LRRC9: variants seen among roughly 807,000 people sequenced by gnomAD.
LRRC9 encodes leucine rich repeat containing 9, also known as leucine-rich repeat-containing protein 9.
In LRRC9, 122 loss-of-function variants were observed where a neutral mutation model predicts 63.2. That is an observed-to-expected ratio of 1.93 (90% CI 1.67 to 2.24). The LOEUF is 2.24. Among genes scored for constraint, LRRC9 ranks in the 30% most tolerant of loss-of-function variants. The pLI is 0.00. For synonymous variants in LRRC9, 366 were observed against 213.1 expected (o/e 1.72, Z -6.25); for missense variants, 1,071 against 627.7 (o/e 1.71, Z -7.55).
At chr14:60,047,821 AC>A (rs1390105211) in intron 29 of LRRC9, among the ~76,000 whole-genome samples, 1 of 152,116 alleles carries the variant, frequency 6.6e-6, no homozygotes, top group Non-Finnish European at 1.5e-5. Flanking sequence ...AGAACTCTCT[AC>A]CCCCCAGCAA....
chr14:59,996,158 T>C (rs1449289905), intron 17 of LRRC9, among the ~76,000 whole-genome samples: 1 of 152,204 alleles, frequency 6.6e-6, no homozygotes, highest in Admixed American at 6.5e-5. Flanking sequence ...AAGGGCCATA[T>C]AGTAAATTCT....
At chr14:59,928,301 G>A in exon 3 of LRRC9, 1 of 634,036 alleles carries the variant, frequency 1.6e-6, no homozygotes, top group South Asian at 1.9e-5. Flanking sequence ...TGAGATGGTT[G>A]GACAAGAAGG....
chr14:59,949,672 C>T (rs374536774), intron 8 of LRRC9, among the ~76,000 whole-genome samples: 46 of 151,008 alleles, frequency 3.0e-4, no homozygotes, highest in Admixed American at 1.9e-3. Flanking sequence ...GCTTTGAATG[C>T]GTCCCAGAGA....
intron 30 of LRRC9, among the ~76,000 whole-genome samples, chr14:60,055,476 G>A (rs552907844): frequency 6.6e-6 from 1 of 152,246 alleles, no homozygotes; most frequent in South Asian, 2.1e-4. Context: ...TATGCCACCT[G>A]TATTAGTTTC....
intron 26 of LRRC9, among the ~76,000 whole-genome samples, chr14:60,020,166 T>A (rs1891010026): frequency 6.6e-6 from 1 of 151,912 alleles, no homozygotes; most frequent in African/African-American, 2.4e-5. Flanking sequence ...TCGCTATAAT[T>A]TTGCCTTTTT....
chr14:59,921,112 T>C (rs974305266), intron 1 of LRRC9, among the ~76,000 whole-genome samples: 2 of 152,140 alleles, frequency 1.3e-5, no homozygotes, highest in Admixed American at 6.5e-5. Context: ...TAGGGAAGTA[T>C]GGAGTATGCC....
At chr14:60,019,397 TA>T (rs1890942093) in intron 26 of LRRC9, 137 bp downstream of exon 26, 1 of 482,646 alleles carries the variant, frequency 2.1e-6, no homozygotes, top group African/African-American at 2.0e-5. Flanking sequence ...ATTTAATAGC[TA>T]CATGCCAAAA....
exon 15 of LRRC9, chr14:59,978,022 G>C: frequency 1.4e-6 from 1 of 699,654 alleles, no homozygotes; most frequent in East Asian, 2.7e-5. Flanking sequence ...TCTAGATTCT[G>C]TCATGGGACA....
rs1404611082 is a variant in LRRC9 at position 59,938,337 on chromosome 14, C to T, written c.544-53C>T. The T allele has an allele frequency of 1.5e-5, 9 of 606,584 alleles. No homozygotes were observed. In the East Asian group the frequency reaches 2.1e-4, roughly 14 times the overall value. The allele number at this position is 606,584 out of a possible 1,614,324, so 37.6% of individuals were successfully genotyped here. On this transcript the variant is annotated intron_variant, in intron 6 of 31. Transcript: ENST00000445360. This position sits in a 1 kb window ranked among gnomAD's most constrained non-coding sequence, Gnocchi z 4.2. ...CTGATCTTAGGTGTTCAAATACTGCCTTTAGAAATGACAGTCACAATTAAC... is the reference window on the plus strand; with the variant it reads ...CTGATCTTAGGTGTTCAAATACTGCTTTTAGAAATGACAGTCACAATTAAC...
At position 60,017,429 on chromosome 14, in the gene LRRC9, T is replaced by C. The variant is rs757379237; in HGVS notation, c.3317+639T>C. ...CAAATACCTATAACTCCTCCAAATA[T>C]CATCTCAAGATGTTTCTCCTCCATG... On this transcript the variant is annotated intron_variant, in intron 24 of 31. Transcript: ENST00000445360. This position sits in a 1 kb window ranked among gnomAD's most constrained non-coding sequence, Gnocchi z 4.0. 1.6e-4 allele frequency among the ~76,000 whole-genome samples: 24 copies of C among 152,100 alleles called. No individual in the cohort carries two copies. Among genetic ancestry groups the C allele is most frequent in the Non-Finnish European group, 2.8e-4 (19 of 68,004 alleles).
At chr14:59,937,161 A>G (rs1389206648) in intron 6 of LRRC9, among the ~76,000 whole-genome samples, 1 of 150,346 alleles carries the variant, frequency 6.7e-6, no homozygotes, top group Non-Finnish European at 1.5e-5. Context: ...CTTGTTCTTC[A>G]CAAGTTTATC....
chr14:59,992,054 G>C (rs534052575), intron 17 of LRRC9, among the ~76,000 whole-genome samples: 17 of 152,260 alleles, frequency 1.1e-4, no homozygotes, highest in African/African-American at 3.6e-4. Flanking sequence ...TAACTGGGAG[G>C]CACCCCCCAG....
At position 60,027,124 on chromosome 14, in the gene LRRC9, G is replaced by A. The variant is rs1211215622; in HGVS notation, c.3704-760G>A. Among the ~76,000 whole-genome samples the A allele has an allele frequency of 6.6e-6, 1 of 151,946 alleles. No homozygotes were observed. Among genetic ancestry groups the A allele is most frequent in the Non-Finnish European group, 1.5e-5 (1 of 67,944 alleles). On this transcript the variant is annotated intron_variant, in intron 27 of 31. Transcript: ENST00000445360. The surrounding 1 kb of genome is among the most constrained non-coding windows in gnomAD (Gnocchi z 4.0). ...TGAGCTTAAAATGTAAAAGGTCTAA[G>A]TTAGGCCTGATACTGCCATTTTTAT... is the stretch of plus-strand genomic sequence containing the variant.
intron 22 of LRRC9, 90 bp downstream of exon 22, chr14:60,006,707 G>C: frequency 2.0e-6 from 1 of 507,778 alleles, no homozygotes. Context: ...CACAGAATTT[G>C]GAAAATATAA....
At position 59,975,133 on chromosome 14, in the gene LRRC9, AT is replaced by A; in HGVS notation, c.1639+426del. Among the ~76,000 whole-genome samples the A allele has an allele frequency of 1.7e-4, 2 of 11,552 alleles. 1 individual carries two copies. Among genetic ancestry groups the A allele is most frequent in the African/African-American group, 3.2e-4 (2 of 6,268 alleles). 7.6% of individuals were successfully genotyped at this position (11,552 alleles called of 152,430 possible). The stretch of plus-strand genomic sequence containing the variant: ...TATATGTATATATATATATGTATAT[AT>A]ATATACATATATATATGTATATATA... On this transcript the variant is annotated intron_variant, in intron 13 of 31. Transcript: ENST00000445360.
At chr14:59,944,780 C>A in intron 8 of LRRC9, 36 bp downstream of exon 8, 2 of 609,996 alleles carry the variant, frequency 3.3e-6, no homozygotes, top group South Asian at 2.1e-5. Flanking sequence ...AGTGGCCATA[C>A]CTTAAGAAAA....
chr14:59,989,918 T>G (rs935633570), intron 17 of LRRC9, among the ~76,000 whole-genome samples: 3 of 151,598 alleles, frequency 2.0e-5, no homozygotes, highest in Non-Finnish European at 4.4e-5. Context: ...CACTTTAGTC[T>G]AGACCTTCCT....
At chr14:59,965,417 C>A (rs1414601790) in intron 10 of LRRC9, among the ~76,000 whole-genome samples, 1 of 152,118 alleles carries the variant, frequency 6.6e-6, no homozygotes, top group Non-Finnish European at 1.5e-5. Flanking sequence ...CTTGTTTAGG[C>A]TTCATTAGAG....
chr14:60,020,764 T>C (rs984335456), intron 26 of LRRC9, among the ~76,000 whole-genome samples: 2 of 151,952 alleles, frequency 1.3e-5, no homozygotes, highest in African/African-American at 4.8e-5. Flanking sequence ...AGCATGATGT[T>C]TTCAAGGTTC....
Sources: gnomAD v4.1 joint callset for allele counts (sites outside exome capture counted in the v4.1 genomes callset) on GRCh38, gnomAD v4.1.1 for gene constraint, Gnocchi (gnomAD v3.1) non-coding constraint, MANE v1.5 for transcripts, NCBI Gene and HGNC (gene_info 2026-07-23, HGNC 2026-07-21) for gene names.